CSMD1: variants seen among roughly 807,000 people sequenced by gnomAD.
CSMD1 encodes CUB and sushi domain-containing protein 1.
In CSMD1, 213 loss-of-function variants were observed where a neutral mutation model predicts 417.5. The ratio of observed to expected loss-of-function variants is 0.51; its 90% CI spans 0.46 to 0.57. The LOEUF is 0.57. Ranked by LOEUF, CSMD1 falls within the 20% of genes least tolerant of loss-of-function variation. CSMD1 has a pLI of 0.00. For synonymous variants in CSMD1, 2,862 were observed against 1,736.8 expected, an observed-to-expected ratio of 1.65 and a Z score of -16.11; for missense variants, 6,923 against 4,529.7, an observed-to-expected ratio of 1.53 and a Z score of -15.17.
Position 4,058,330 on chromosome 8 carries a change from CTGTT to C in CSMD1, c.416-26235_416-26232del, listed in dbSNP as rs1178744839. ...GGGAGTTCACTCACGATTTGGCTCTCTGTTTGCCTGTTATTGGTATATAAGAATG... is the reference window on the plus strand; with the variant it reads ...GGGAGTTCACTCACGATTTGGCTCTCTGCCTGTTATTGGTATATAAGAATG... On this transcript the variant is annotated intron_variant, in intron 3 of 69. Coordinates refer to ENST00000635120, the MANE Select transcript of CSMD1 (RefSeq NM_033225.6). Among the ~76,000 whole-genome samples, 7 of 152,220 alleles carry C rather than the reference CTGTT, an allele frequency of 4.6e-5. No individual in the cohort carries two copies. The South Asian group carries it at 1.0e-3, about 23-fold the overall frequency.
intron 3 of CSMD1, among the ~76,000 whole-genome samples, chr8:4,034,436 T>A (rs149661765): frequency 0.011 from 1,739 of 152,340 alleles, 31 homozygotes; most frequent in African/African-American, 0.039. Context: ...CAATCATTTT[T>A]GTCTTTTTTA....
In CSMD1 at chr8:3,966,118, T is replaced by C. The variant is rs139020373; in HGVS notation, c.818+31785A>G. The stretch of plus-strand genomic sequence containing the variant: ...CGAATGTACTTCATAATTTAGGGAA[T>C]AGGCTCCCATCCATGCTACTTATAA... On this transcript the variant is annotated intron_variant, in intron 5 of 69. Transcript: ENST00000635120. 3.8e-3 allele frequency among the ~76,000 whole-genome samples: 586 copies of C among 152,268 alleles called. 1 individual carries two copies. The highest frequency in any genetic ancestry group is 0.014 in the African/African-American group (562 of 41,550).
chr8:3,753,495 A>G (rs1232331870), intron 6 of CSMD1, among the ~76,000 whole-genome samples: 3 of 152,194 alleles, frequency 2.0e-5, no homozygotes, highest in Non-Finnish European at 4.4e-5. Flanking sequence ...AAATTACTGA[A>G]TCATGCATTT....
chr8:3,472,447 C>A (rs945501369), intron 11 of CSMD1, among the ~76,000 whole-genome samples: 60 of 152,214 alleles, frequency 3.9e-4, no homozygotes, highest in African/African-American at 1.4e-3. Flanking sequence ...CTTTCCAGCA[C>A]CTTAACTGTG....
At chr8:4,729,651 A>C (rs1055342706) in intron 1 of CSMD1, among the ~76,000 whole-genome samples, 1 of 152,204 alleles carries the variant, frequency 6.6e-6, no homozygotes, top group East Asian at 1.9e-4. Context: ...ACTTTGCATG[A>C]GTATCTATTT....
chr8:4,356,181 C>T (rs1490877470), intron 3 of CSMD1, among the ~76,000 whole-genome samples: 1 of 152,136 alleles, frequency 6.6e-6, no homozygotes, highest in African/African-American at 2.4e-5. Context: ...GCTTAACTGC[C>T]ACAAATCAGT....
chr8:3,682,850 T>C (rs1381713933), intron 7 of CSMD1, among the ~76,000 whole-genome samples: 1 of 152,200 alleles, frequency 6.6e-6, no homozygotes, highest in Non-Finnish European at 1.5e-5. Flanking sequence ...CACCATGGAA[T>C]ACTATGTAGC....
chr8:4,244,788 A>G (rs1362904045), intron 3 of CSMD1, among the ~76,000 whole-genome samples: 1 of 152,292 alleles, frequency 6.6e-6, no homozygotes, highest in East Asian at 1.9e-4. Flanking sequence ...GGGATATTTT[A>G]TACGTATGTA....
At position 4,815,939 on chromosome 8, in the gene CSMD1, A is replaced by G. The variant is rs113874600; in HGVS notation, c.86-178381T>C. On this transcript the variant is annotated intron_variant, in intron 1 of 69. Transcript: ENST00000635120. ...GAAGTAGATTTTAAACCAGATCTGGAAAGTGGATTAATATTTGAAAACGGA... is the reference window on the plus strand; with the variant it reads ...GAAGTAGATTTTAAACCAGATCTGGGAAGTGGATTAATATTTGAAAACGGA... Among the ~76,000 whole-genome samples, 500 of 152,206 alleles carry G rather than the reference A, an allele frequency of 3.3e-3. 8 individuals carry two copies. The highest frequency in any genetic ancestry group is 0.011 in the African/African-American group (471 of 41,518).
chr8:4,412,516 C>A (rs1401961849), intron 3 of CSMD1, among the ~76,000 whole-genome samples: 2 of 152,120 alleles, frequency 1.3e-5, no homozygotes, highest in African/African-American at 2.4e-5. Context: ...ACCAATTACA[C>A]CTATTTTATC....
intron 3 of CSMD1, among the ~76,000 whole-genome samples, chr8:4,186,128 G>C (rs557193603): frequency 1.3e-5 from 2 of 152,268 alleles, no homozygotes; most frequent in Admixed American, 6.5e-5. Context: ...TGTCACCAAC[G>C]ATTTGGCATC....
intron 7 of CSMD1, among the ~76,000 whole-genome samples, chr8:3,627,460 G>C (rs933637207): frequency 6.6e-6 from 1 of 152,066 alleles, no homozygotes; most frequent in African/African-American, 2.4e-5. Context: ...AGACTATGTA[G>C]GTTATTTAAA....
In CSMD1 at chr8:3,497,092, G is replaced by C. The variant is rs544368277; in HGVS notation, c.1345-3366C>G. ...CAGTCCTGAAGAATATTCATACCATGTACTGATGAGAAAAATGTGTATTAT... is the reference window on the plus strand; with the variant it reads ...CAGTCCTGAAGAATATTCATACCATCTACTGATGAGAAAAATGTGTATTAT... On this transcript the variant is annotated intron_variant, in intron 10 of 69. Transcript: ENST00000635120. 1.2e-3 allele frequency among the ~76,000 whole-genome samples: 182 copies of C among 152,296 alleles called. 1 individual carries two copies. The highest frequency in any genetic ancestry group is 4.2e-3 in the African/African-American group (173 of 41,562).
chr8:3,689,947 G>C (rs1180401736), intron 7 of CSMD1, among the ~76,000 whole-genome samples: 1 of 152,204 alleles, frequency 6.6e-6, no homozygotes, highest in Admixed American at 6.5e-5. Flanking sequence ...AGTAGTAAAA[G>C]TGCTATACAG....
intron 7 of CSMD1, among the ~76,000 whole-genome samples, chr8:3,704,454 G>A (rs553082886): frequency 6.6e-6 from 1 of 152,142 alleles, no homozygotes; most frequent in East Asian, 1.9e-4. Flanking sequence ...TACTTGCCTA[G>A]GGACATAACC....
chr8:4,121,005 C>T (rs375218990), intron 3 of CSMD1, among the ~76,000 whole-genome samples: 4 of 152,252 alleles, frequency 2.6e-5, no homozygotes, highest in East Asian at 3.9e-4. Flanking sequence ...CTTTTGATGG[C>T]TTGGTTTATT....
intron 3 of CSMD1, among the ~76,000 whole-genome samples, chr8:4,140,753 T>C (rs1371570154): frequency 2.6e-5 from 4 of 151,036 alleles, no homozygotes; most frequent in East Asian, 1.9e-4. Context: ...AGTATCTTCA[T>C]CTCCTCCCCT....
intron 10 of CSMD1, among the ~76,000 whole-genome samples, chr8:3,566,386 T>C (rs1308688894): frequency 2.0e-5 from 3 of 151,938 alleles, no homozygotes; most frequent in South Asian, 4.2e-4. Flanking sequence ...CAAAAGGAAA[T>C]ACGAACGGAC....
intron 3 of CSMD1, among the ~76,000 whole-genome samples, chr8:4,107,672 T>A (rs933573739): frequency 6.6e-6 from 1 of 152,120 alleles, no homozygotes; most frequent in Non-Finnish European, 1.5e-5. Context: ...CAATCCATCA[T>A]CTGTGTCCAA....
Sources: gnomAD v4.1 joint callset for allele counts (sites outside exome capture counted in the v4.1 genomes callset) on GRCh38, gnomAD v4.1.1 for gene constraint, MANE v1.5 for transcripts, NCBI Gene and HGNC (gene_info 2026-07-23, HGNC 2026-07-21) for gene names.